CNTN5: variants seen among roughly 807,000 people sequenced by gnomAD.
The protein encoded by CNTN5 is contactin-5.
A neutral mutation model predicts 129.1 loss-of-function variants in CNTN5; 77 were observed. The ratio of observed to expected loss-of-function variants is 0.60; its 90% CI spans 0.50 to 0.72. CNTN5 has a LOEUF of 0.72. CNTN5 is among the 30% of genes least tolerant of loss of function. The pLI, the probability that CNTN5 is intolerant of heterozygous loss-of-function variation, is 0.00. For missense variants in CNTN5, 1,478 were observed against 1,328.8 expected (o/e 1.11, Z -1.75); for synonymous variants, 509 against 465.6 (o/e 1.09, Z -1.20).
intron 7 of CNTN5, among the ~76,000 whole-genome samples, 192 bp downstream of exon 7, chr11:99,916,341 A>G (rs1434698303): frequency 6.6e-6 from 1 of 152,150 alleles, no homozygotes; most frequent in Non-Finnish European, 1.5e-5. Flanking sequence ...CTGAACTCCA[A>G]TAAGATTGTT....
At chr11:100,077,490 T>C (rs1272816225) in intron 13 of CNTN5, among the ~76,000 whole-genome samples, 1 of 151,894 alleles carries the variant, frequency 6.6e-6, no homozygotes, top group Non-Finnish European at 1.5e-5. Context: ...AATAATATTA[T>C]ATTGGGGAAA....
Position 99,606,548 on chromosome 11 carries a change from A to G in CNTN5, c.55+50279A>G, listed in dbSNP as rs921267881. Among the ~76,000 whole-genome samples, 4 of 142,542 alleles carry G rather than the reference A, an allele frequency of 2.8e-5. 1 individual carries two copies. Among genetic ancestry groups the G allele is most frequent in the Non-Finnish European group, 4.6e-5 (3 of 64,784 alleles). 93.5% of individuals were successfully genotyped at this position (142,542 alleles called of 152,430 possible). A position where few individuals can be genotyped will look rare whatever the true frequency, so the allele number is the denominator to read the frequency against. ...CAAGGTAATTTACAGATTCAATGCC[A>G]TCCCCATCAAGCTACCAATGACTTT... On this transcript the variant is annotated intron_variant, in intron 3 of 24. Transcript: ENST00000524871.
chr11:100,191,263 C>A lies in CNTN5; in HGVS notation c.1708+10C>A, dbSNP rs1948480499. ...TCGCTATCTGTAAAAGGTAAGACAGCACGGGTAAATGTTTTACAAGCATAG... is the reference window on the plus strand; with the variant it reads ...TCGCTATCTGTAAAAGGTAAGACAGAACGGGTAAATGTTTTACAAGCATAG... On this transcript the variant is annotated intron_variant, in intron 14 of 24. Transcript: ENST00000524871. 6.2e-7 allele frequency: 1 copy of A among 1,606,620 alleles called. No homozygotes were observed. The highest frequency in any genetic ancestry group is 8.5e-7 in the Non-Finnish European group (1 of 1,176,286).
intron 8 of CNTN5, among the ~76,000 whole-genome samples, chr11:99,976,147 A>G (rs1937951924): frequency 6.6e-6 from 1 of 152,224 alleles, no homozygotes; most frequent in African/African-American, 2.4e-5. Context: ...AATAATCTCC[A>G]TTGACTCCAC....
At chr11:99,089,245 T>C (rs906175903) in intron 1 of CNTN5, among the ~76,000 whole-genome samples, 2 of 152,082 alleles carry the variant, frequency 1.3e-5, no homozygotes, top group African/African-American at 4.8e-5. Context: ...TTATAAACAA[T>C]TATATTTATA....
rs1944357996 is a variant in CNTN5, at chr11:99,452,815, A to G, written c.-70-103330A>G. On this transcript the variant is annotated intron_variant, in intron 2 of 24. Coordinates refer to ENST00000524871, the MANE Select transcript of CNTN5 (RefSeq NM_014361.4). ...TTATGGGAAAATTACAAATAAAAAG[A>G]CTGGGTCAAAATCTTAAATTATCAG... is the stretch of plus-strand genomic sequence containing the variant. Among the ~76,000 whole-genome samples, 3 of 152,320 alleles carry G rather than the reference A, an allele frequency of 2.0e-5. No individual in the cohort carries two copies. The South Asian group carries it at 6.2e-4, about 32-fold the overall frequency.
chr11:99,900,646 A>G (rs947182642), intron 6 of CNTN5, among the ~76,000 whole-genome samples: 1 of 152,074 alleles, frequency 6.6e-6, no homozygotes, highest in Non-Finnish European at 1.5e-5. Flanking sequence ...CTTTGAACCT[A>G]TGGATGTCAT....
At chr11:99,913,982 G>A (rs1949725851) in intron 6 of CNTN5, among the ~76,000 whole-genome samples, 1 of 152,080 alleles carries the variant, frequency 6.6e-6, no homozygotes, top group South Asian at 2.1e-4. Flanking sequence ...AAGCATGGTG[G>A]CTTTCCCCTA....
chr11:99,730,677 T>G (rs990971213), intron 3 of CNTN5, among the ~76,000 whole-genome samples: 2 of 151,578 alleles, frequency 1.3e-5, no homozygotes, highest in African/African-American at 2.4e-5. Context: ...AAAATTATTT[T>G]ACTAATACAT....
At chr11:99,982,823 A>C (rs1938431868) in intron 8 of CNTN5, among the ~76,000 whole-genome samples, 1 of 152,072 alleles carries the variant, frequency 6.6e-6, no homozygotes, top group South Asian at 2.1e-4. Flanking sequence ...TTGTATTTTT[A>C]GTAGATACGG....
intron 3 of CNTN5, among the ~76,000 whole-genome samples, chr11:99,695,396 G>T (rs1954225600): frequency 6.6e-6 from 1 of 152,078 alleles, no homozygotes; most frequent in Admixed American, 6.6e-5. Context: ...TCCATGTGAA[G>T]ATAGACACCA....
intron 7 of CNTN5, among the ~76,000 whole-genome samples, chr11:99,950,031 G>T (rs2136144158): frequency 6.6e-6 from 1 of 152,118 alleles, no homozygotes; most frequent in South Asian, 2.1e-4. Context: ...TGTCTCCAAA[G>T]CATAAAAAAG....
chr11:100,141,289 A>T (rs1468730236), intron 13 of CNTN5, among the ~76,000 whole-genome samples: 4 of 152,080 alleles, frequency 2.6e-5, no homozygotes, highest in African/African-American at 4.8e-5. Context: ...GGAAAAATGA[A>T]ATTAGCCCAA....
chr11:99,028,112 T>A (rs1362249803), intron 1 of CNTN5, among the ~76,000 whole-genome samples: 1 of 151,796 alleles, frequency 6.6e-6, no homozygotes, highest in Non-Finnish European at 1.5e-5. Context: ...ATAACAGTAA[T>A]CTTAGTAAGA....
chr11:100,353,616 C>T (rs1252676005), intron 24 of CNTN5, among the ~76,000 whole-genome samples: 2 of 151,550 alleles, frequency 1.3e-5, no homozygotes, highest in South Asian at 2.1e-4. Context: ...CATGCACATA[C>T]GACTCCAGTG....
At chr11:99,156,908 A>G (rs940843917) in intron 1 of CNTN5, among the ~76,000 whole-genome samples, 1 of 152,052 alleles carries the variant, frequency 6.6e-6, no homozygotes, top group Non-Finnish European at 1.5e-5. Context: ...ATTTAATGGA[A>G]CTGTATACAG....
At chr11:99,041,816 T>A (rs1333101813) in intron 1 of CNTN5, among the ~76,000 whole-genome samples, 2 of 152,156 alleles carry the variant, frequency 1.3e-5, no homozygotes, top group Non-Finnish European at 1.5e-5. Flanking sequence ...CAATGATAAT[T>A]ATTTAAATAT....
chr11:99,334,837 C>CTT (rs10640322), intron 2 of CNTN5, among the ~76,000 whole-genome samples: 1 of 152,058 alleles, frequency 6.6e-6, no homozygotes, highest in Non-Finnish European at 1.5e-5. Context: ...ATTCTTTTTT[C>CTT]TTAATTGTTA....
intron 1 of CNTN5, among the ~76,000 whole-genome samples, chr11:99,204,464 T>C (rs975801363): frequency 9.9e-5 from 15 of 152,186 alleles, no homozygotes; most frequent in Non-Finnish European, 2.2e-4. Context: ...GAACCTAATA[T>C]TGACATACCT....
Sources: gnomAD v4.1 joint callset for allele counts (sites outside exome capture counted in the v4.1 genomes callset) on GRCh38, gnomAD v4.1.1 for gene constraint, MANE v1.5 for transcripts, NCBI Gene and HGNC (gene_info 2026-07-23, HGNC 2026-07-21) for gene names.